The following NR5A2 variants were observed in gnomAD, a reference collection of about 807,000 sequenced individuals.
The protein encoded by NR5A2 is CYP7A promoter-binding factor.
A neutral mutation model predicts 62.7 loss-of-function variants in NR5A2; 26 were observed. The observed-to-expected ratio is 0.41, with a 90% CI of 0.30 to 0.58. The LOEUF (loss-of-function observed/expected upper bound fraction) is 0.58, where lower values mean the gene tolerates loss of function less well. NR5A2 is among the 20% of genes least tolerant of loss of function. NR5A2 has a pLI of 0.22. For synonymous variants in NR5A2, 246 were observed against 241.7 expected (o/e 1.02, Z -0.16); for missense variants, 541 against 669.1 (o/e 0.81, Z 2.11).
chr1:200,049,445 G>C (rs1447808751), intron 5 of NR5A2, among the ~76,000 whole-genome samples: 1 of 152,168 alleles, frequency 6.6e-6, no homozygotes, highest in African/African-American at 2.4e-5. Context: ...TTGGGTTGTA[G>C]TTCTCATAAT....
At chr1:200,043,726 A>C (rs768254656) in intron 2 of NR5A2, 48 bp from the exon 3 acceptor site, 4 of 1,193,076 alleles carry the variant, frequency 3.4e-6, no homozygotes, top group African/African-American at 1.5e-5. Context: ...ATTAACACCT[A>C]CATGTAAATT....
intron 5 of NR5A2, among the ~76,000 whole-genome samples, chr1:200,071,409 A>G (rs1029331422): frequency 6.6e-6 from 1 of 152,336 alleles, no homozygotes. Context: ...TGTAGCATCA[A>G]CTTTATCGAA....
intron 7 of NR5A2, among the ~76,000 whole-genome samples, chr1:200,162,289 A>C (rs1031782454): frequency 6.6e-6 from 1 of 152,208 alleles, no homozygotes; most frequent in African/African-American, 2.4e-5. Flanking sequence ...AGAGGACTTC[A>C]AGGAGGCTTC....
chr1:200,032,361 TCTTTA>T (rs1661578625), intron 1 of NR5A2, among the ~76,000 whole-genome samples: 1 of 152,230 alleles, frequency 6.6e-6, no homozygotes, highest in Admixed American at 6.5e-5. Flanking sequence ...GGTTGTCTCT[TCTTTA>T]GTCTTTTGGG....
chr1:200,114,966 A>G (rs987870602), intron 6 of NR5A2, among the ~76,000 whole-genome samples: 3 of 152,228 alleles, frequency 2.0e-5, no homozygotes, highest in Admixed American at 6.5e-5. Context: ...ATTCCAGTGC[A>G]TGACAGACTC....
chr1:200,088,582 T>C (rs1275001835), intron 5 of NR5A2, among the ~76,000 whole-genome samples: 1 of 152,120 alleles, frequency 6.6e-6, no homozygotes, highest in African/African-American at 2.4e-5. Flanking sequence ...ATTTAAATCT[T>C]TCCTCTTCCA....
chr1:200,042,320 G>T (rs977289729), intron 2 of NR5A2, among the ~76,000 whole-genome samples: 1 of 152,126 alleles, frequency 6.6e-6, no homozygotes, highest in African/African-American at 2.4e-5. Context: ...GTCCTTAGCC[G>T]CAAAGTGCTG....
At chr1:200,097,100 A>C (rs974995615) in intron 5 of NR5A2, among the ~76,000 whole-genome samples, 6 of 152,254 alleles carry the variant, frequency 3.9e-5, no homozygotes, top group African/African-American at 1.4e-4. Context: ...CTCAAAGAAC[A>C]GTGCATGCTC....
intron 5 of NR5A2, among the ~76,000 whole-genome samples, chr1:200,092,154 T>G (rs1278211259): frequency 6.6e-6 from 1 of 152,218 alleles, no homozygotes; most frequent in East Asian, 1.9e-4. Context: ...AGACACATAT[T>G]CAACACCTTT....
At chr1:200,091,839 T>C (rs1664832085) in intron 5 of NR5A2, among the ~76,000 whole-genome samples, 1 of 152,082 alleles carries the variant, frequency 6.6e-6, no homozygotes, top group South Asian at 2.1e-4. Context: ...AACATTTTGG[T>C]GTGTGAGTGT....
chr1:200,031,926 G>A (rs1419459053), intron 1 of NR5A2, among the ~76,000 whole-genome samples: 1 of 152,110 alleles, frequency 6.6e-6, no homozygotes, highest in Non-Finnish European at 1.5e-5. Context: ...ATAGAGGAAG[G>A]GAGAACAGAG....
At chr1:200,072,131 G>A (rs901016399) in intron 5 of NR5A2, among the ~76,000 whole-genome samples, 1 of 152,156 alleles carries the variant, frequency 6.6e-6, no homozygotes, top group Non-Finnish European at 1.5e-5. Flanking sequence ...AATACCAGGA[G>A]TAAATCTAGG....
intron 7 of NR5A2, among the ~76,000 whole-genome samples, chr1:200,145,445 A>T (rs1048354805): frequency 9.3e-5 from 14 of 150,370 alleles, no homozygotes; most frequent in Admixed American, 4.6e-4. Context: ...AAATGTCAGA[A>T]ACTGGTAGGC....
At chr1:200,137,317 ATTTTT>A (rs775106954) in intron 7 of NR5A2, among the ~76,000 whole-genome samples, 2 of 131,154 alleles carry the variant, frequency 1.5e-5, no homozygotes, top group African/African-American at 5.7e-5. Context: ...CACCTGGCTA[ATTTTT>A]TTTTTTTTTT....
Position 200,111,256 on chromosome 1 carries a change from G to T in NR5A2, c.1165G>T (p.Asp389Tyr), listed in dbSNP as rs775644685. The change falls in exon 6 of 8, where the codon GAC becomes TAC. Residue 389 changes from aspartate (D) to tyrosine (Y), a missense_variant. By Grantham distance (160) the Asp-to-Tyr change is radical. Around this residue, in one of 3 missense-constraint regions of NR5A2, gnomAD observed 379 missense variants for 442.0 expected, o/e 0.86. Transcript: ENST00000367362. ...CTGCTGGAGTGAGCTCTTAATCCTC[G>T]ACCACATTTACCGACAAGTGGTACA... The part of the protein sequence containing the change: ...QNCWSELLIL[D>Y]HIYRQVVHGK... 1.2e-6 allele frequency: 2 copies of T among 1,610,940 alleles called. No individual in the cohort carries two copies. The highest frequency in any genetic ancestry group is 2.2e-5 in the South Asian group (2 of 90,980).
Position 200,049,693 on chromosome 1 carries a change from A to G in NR5A2, c.1110+875A>G, listed in dbSNP as rs778971368. ...ATTTGATTTCCAAGTATATTTTGTCACAAAATCAATTTCTTCCTTTTGCTG... is the reference window on the plus strand; with the variant it reads ...ATTTGATTTCCAAGTATATTTTGTCGCAAAATCAATTTCTTCCTTTTGCTG... On this transcript the variant is annotated intron_variant, in intron 5 of 7. Transcript: ENST00000367362. Among the ~76,000 whole-genome samples the G allele has an allele frequency of 9.2e-5, 14 of 152,166 alleles. 1 individual carries two copies. The highest frequency in any genetic ancestry group is 1.5e-4 in the Non-Finnish European group (10 of 68,030).
chr1:200,057,951 C>T (rs1662996230), intron 5 of NR5A2: 1 of 152,902 alleles, frequency 6.5e-6, no homozygotes, highest in Non-Finnish European at 1.5e-5. Flanking sequence ...GCATGCGCCA[C>T]CATGCCTAGC....
intron 5 of NR5A2, among the ~76,000 whole-genome samples, chr1:200,098,923 ATTG>A (rs1013525928): frequency 6.6e-6 from 1 of 152,200 alleles, no homozygotes; most frequent in Non-Finnish European, 1.5e-5. Flanking sequence ...CAAAGCAAAA[ATTG>A]TTGTTTACCT....
Position 200,147,835 on chromosome 1 carries a change from T to C in NR5A2, c.1379-26128T>C. The C allele has an allele frequency of 2.2e-6, 1 of 462,294 alleles. No homozygotes were observed. Among genetic ancestry groups the C allele is most frequent in the Admixed American group, 3.4e-5 (1 of 29,154 alleles). The allele number at this position is 462,294 out of a possible 1,614,324, so 28.6% of individuals were successfully genotyped here. A position where few individuals can be genotyped will look rare whatever the true frequency, so the allele number is the denominator to read the frequency against. On this transcript the variant is annotated intron_variant, in intron 7 of 7. Transcript: ENST00000367362. This position sits in a 1 kb window ranked among gnomAD's most constrained non-coding sequence, Gnocchi z 4.9. ...CAGCACCAGGTCCTGGCTGCAGCCA[T>C]TGGTGAGCAGTATGGCCACCTGCTT... is the stretch of plus-strand genomic sequence containing the variant.
Sources: gnomAD v4.1 joint callset for allele counts (sites outside exome capture counted in the v4.1 genomes callset) on GRCh38, gnomAD v4.1.1 for gene constraint, gnomAD v4.1.1 regional missense constraint, Gnocchi (gnomAD v3.1) non-coding constraint, MANE v1.5 for transcripts, NCBI Gene and HGNC (gene_info 2026-07-23, HGNC 2026-07-21) for gene names.